MKLN1: variants seen among roughly 807,000 people sequenced by gnomAD.
MKLN1 encodes the protein muskelin.
MKLN1 carries 18 observed loss-of-function variants against 99.0 expected under a neutral mutation model. That is an observed-to-expected ratio of 0.18 (90% CI 0.13 to 0.27). The LOEUF is 0.27. MKLN1 is among the 10% of genes least tolerant of loss of function. MKLN1 has a pLI of 1.00. For missense variants in MKLN1, 621 were observed against 875.9 expected (o/e 0.71, Z 3.67); for synonymous variants, 288 against 293.2 (o/e 0.98, Z 0.18).
intron 9 of MKLN1, among the ~76,000 whole-genome samples, chr7:131,429,916 A>G (rs890409102): frequency 1.3e-5 from 2 of 152,236 alleles, no homozygotes; most frequent in Admixed American, 6.5e-5. Context: ...GTATATATGT[A>G]TGCATGTACA....
At chr7:131,294,091 A>G (rs1798257741) in intron 3 of MKLN1, among the ~76,000 whole-genome samples, 1 of 152,088 alleles carries the variant, frequency 6.6e-6, no homozygotes, top group Non-Finnish European at 1.5e-5. Context: ...AGAGAAACGG[A>G]ATCAAATGCA....
At chr7:131,405,600 TTCC>T (rs1261892721) in intron 6 of MKLN1, among the ~76,000 whole-genome samples, 1 of 152,146 alleles carries the variant, frequency 6.6e-6, no homozygotes, top group East Asian at 1.9e-4. Flanking sequence ...TATATAAAAT[TTCC>T]TCCTCTTGTT....
intron 16 of MKLN1, chr7:131,471,180 T>G (rs1796810821): frequency 2.9e-6 from 1 of 350,786 alleles, no homozygotes; most frequent in African/African-American, 2.2e-5. Flanking sequence ...TTATCAGGTA[T>G]AAAGTTTTAA....
At position 131,490,929 on chromosome 7, in the gene MKLN1, TGA is replaced by T. The variant is rs1277381725; in HGVS notation, c.*3206_*3207del. 1 of 152,574 alleles carries T rather than the reference TGA, an allele frequency of 6.6e-6. No homozygotes were observed. Among genetic ancestry groups the T allele is most frequent in the Admixed American group, 6.6e-5 (1 of 15,266 alleles). The allele number at this position is 152,574 out of a possible 1,614,324, so 9.5% of individuals were successfully genotyped here. Reference sequence around the variant, plus strand: ...TAGTTTGAGGCACCCAAGCATTTAGTGAGAGATTGAGAATGATGCTTAATGGA... The same window carrying T: ...TAGTTTGAGGCACCCAAGCATTTAGTGAGATTGAGAATGATGCTTAATGGA... On this transcript the variant is annotated 3_prime_UTR_variant, in exon 18 of 18. Coordinates refer to ENST00000352689, the MANE Select transcript of MKLN1 (RefSeq NM_013255.5).
At chr7:131,331,582 T>C (rs757150374) in intron 1 of MKLN1, among the ~76,000 whole-genome samples, 4 of 152,050 alleles carry the variant, frequency 2.6e-5, no homozygotes, top group Non-Finnish European at 4.4e-5. Context: ...CCCAGGAGTT[T>C]GAGACCAGCA....
intron 8 of MKLN1, among the ~76,000 whole-genome samples, chr7:131,426,818 G>A (rs1345856445): frequency 1.3e-5 from 2 of 151,550 alleles, no homozygotes; most frequent in Admixed American, 6.6e-5. Context: ...GCAGTGGTGC[G>A]ATCTCAGCTC....
At chr7:131,427,003 G>A (rs1306165452) in intron 8 of MKLN1, among the ~76,000 whole-genome samples, 4 of 152,026 alleles carry the variant, frequency 2.6e-5, no homozygotes, top group Non-Finnish European at 4.4e-5. Context: ...GAGCCACCAT[G>A]CCTGGCCTCA....
chr7:131,414,853 C>T (rs538695888), intron 8 of MKLN1, 143 bp downstream of exon 8: 81 of 457,930 alleles, frequency 1.8e-4, no homozygotes, highest in African/African-American at 1.1e-3. Context: ...GTTTAACATG[C>T]GGCCTTTTAT....
intron 2 of MKLN1, among the ~76,000 whole-genome samples, chr7:131,376,761 C>G (rs1793678999): frequency 6.6e-6 from 1 of 151,656 alleles, no homozygotes; most frequent in African/African-American, 2.4e-5. Context: ...TCTTTTGAAG[C>G]CTCCTTTGAG....
chr7:131,308,497 GTGATCCACC>G (rs1454236782), intron 3 of MKLN1, among the ~76,000 whole-genome samples: 1 of 152,072 alleles, frequency 6.6e-6, no homozygotes, highest in Non-Finnish European at 1.5e-5. Context: ...CTGACCTCAG[GTGATCCACC>G]TGCCTTGGCC....
chr7:131,359,087 T>C (rs1366952178), intron 1 of MKLN1, among the ~76,000 whole-genome samples: 1 of 152,194 alleles, frequency 6.6e-6, no homozygotes, highest in Non-Finnish European at 1.5e-5. Context: ...TTTTCTCTAG[T>C]TTCCTAGGGT....
chr7:131,407,451 G>A (rs1794740584), intron 6 of MKLN1, among the ~76,000 whole-genome samples: 1 of 151,728 alleles, frequency 6.6e-6, no homozygotes, highest in African/African-American at 2.4e-5. Flanking sequence ...TTATATTGTG[G>A]CATAATTCCT....
chr7:131,416,560 G>A (rs983763698), intron 8 of MKLN1, among the ~76,000 whole-genome samples: 3 of 148,256 alleles, frequency 2.0e-5, no homozygotes, highest in African/African-American at 7.5e-5. Context: ...TTGCTCTGTC[G>A]CCCAGGCTGG....
intron 8 of MKLN1, among the ~76,000 whole-genome samples, chr7:131,418,206 T>TAC: frequency 6.6e-6 from 1 of 151,458 alleles, no homozygotes; most frequent in Admixed American, 6.6e-5. Flanking sequence ...CCATCTCTAC[T>TAC]AAAAATACAA....
chr7:131,444,463 C>A (rs1344763181), intron 11 of MKLN1, among the ~76,000 whole-genome samples: 1 of 151,788 alleles, frequency 6.6e-6, no homozygotes, highest in Non-Finnish European at 1.5e-5. Flanking sequence ...AGGAGCACCC[C>A]CCACAACATA....
chr7:131,305,805 C>A (rs1798455925), intron 3 of MKLN1, among the ~76,000 whole-genome samples: 1 of 152,104 alleles, frequency 6.6e-6, no homozygotes, highest in East Asian at 1.9e-4. Context: ...ATATATGTTG[C>A]AAGGAAAAGA....
intron 3 of MKLN1, among the ~76,000 whole-genome samples, chr7:131,304,777 G>A (rs1279599355): frequency 2.0e-5 from 3 of 152,142 alleles, no homozygotes; most frequent in Non-Finnish European, 4.4e-5. Flanking sequence ...TGGCCTATTT[G>A]GAGTGTTTGT....
chr7:131,258,834 A>G (rs1331840567), intron 3 of MKLN1, among the ~76,000 whole-genome samples: 3 of 152,228 alleles, frequency 2.0e-5, no homozygotes, highest in Non-Finnish European at 4.4e-5. Flanking sequence ...GAGGAGATAC[A>G]ACCTGGTGGT....
chr7:131,292,376 A>G (rs1373796118), intron 3 of MKLN1, among the ~76,000 whole-genome samples: 1 of 152,226 alleles, frequency 6.6e-6, no homozygotes, highest in Non-Finnish European at 1.5e-5. Context: ...TAAAGCCATT[A>G]TGTGAAAGGT....
Sources: allele counts gnomAD v4.1 joint callset (sites outside exome capture counted in the v4.1 genomes callset), GRCh38; gene constraint gnomAD v4.1.1; transcripts MANE v1.5; gene names NCBI Gene and HGNC (gene_info 2026-07-23, HGNC 2026-07-21).